Variants in FNBP1 observed in about 807,000 individuals in gnomAD.
FNBP1 encodes formin binding protein 1.
In FNBP1, 26 loss-of-function variants were observed where a neutral mutation model predicts 90.6. The ratio of observed to expected loss-of-function variants is 0.29; its 90% confidence interval spans 0.21 to 0.40. FNBP1 has a LOEUF of 0.40. Ranked by LOEUF, FNBP1 falls within the 10% of genes least tolerant of loss-of-function variation. FNBP1 has a pLI of 1.00. For missense variants in FNBP1, 635 were observed against 768.0 expected (o/e 0.83, Z 2.05); for synonymous variants, 260 against 265.2 (o/e 0.98, Z 0.19).
chr9:130,020,234 G>A (rs1386249348), intron 1 of FNBP1, among the ~76,000 whole-genome samples: 1 of 152,138 alleles, frequency 6.6e-6, no homozygotes. Context: ...TTGAGATGGA[G>A]TCTAGCTTTG....
At chr9:130,005,703 A>G (rs1206561113) in intron 1 of FNBP1, among the ~76,000 whole-genome samples, 1 of 152,246 alleles carries the variant, frequency 6.6e-6, no homozygotes, top group Non-Finnish European at 1.5e-5. Flanking sequence ...GTGATGAAAA[A>G]GGATTACCCA....
intron 16 of FNBP1, among the ~76,000 whole-genome samples, chr9:129,892,366 G>GACACACACACACACACACACAC (rs3138855): frequency 1.6e-4 from 17 of 103,478 alleles, no homozygotes; most frequent in African/African-American, 5.0e-4. Context: ...GCACATCGTA[G>GACACACACACACACACACACAC]ACACACACAC....
At chr9:129,953,830 G>A (rs1315255095) in intron 6 of FNBP1, among the ~76,000 whole-genome samples, 1 of 150,790 alleles carries the variant, frequency 6.6e-6, no homozygotes, top group African/African-American at 2.4e-5. Context: ...GGGAATGGGG[G>A]TGGTGGGGGA....
chr9:129,911,647 T>C (rs558889903), intron 11 of FNBP1, among the ~76,000 whole-genome samples: 1 of 152,226 alleles, frequency 6.6e-6, no homozygotes, highest in Non-Finnish European at 1.5e-5. Context: ...CCAGTAAATG[T>C]GGTGGCCAGG....
chr9:129,994,681 G>A (rs1042300150), intron 2 of FNBP1, among the ~76,000 whole-genome samples, 162 bp downstream of exon 2: 12 of 151,292 alleles, frequency 7.9e-5, no homozygotes, highest in African/African-American at 2.7e-4. Context: ...AATGTTCTAT[G>A]AAAATTAATT....
chr9:130,014,080 A>G, intron 1 of FNBP1: 1 of 456,576 alleles, frequency 2.2e-6, no homozygotes, highest in Non-Finnish European at 4.4e-6. Flanking sequence ...TAAACAATGT[A>G]TTTTACTGGT....
intron 6 of FNBP1, among the ~76,000 whole-genome samples, chr9:129,939,505 C>CTTCT (rs111247892): frequency 0.1 from 15,213 of 152,070 alleles, 848 homozygotes; most frequent in African/African-American, 0.16. Context: ...TTAGTTTTGT[C>CTTCT]TTCTTTTAGA....
intron 12 of FNBP1, among the ~76,000 whole-genome samples, chr9:129,906,458 C>T (rs1209208426): frequency 1.3e-5 from 2 of 152,040 alleles, no homozygotes; most frequent in African/African-American, 2.4e-5. Context: ...CGGTTTTTCC[C>T]AGGCTGCTCT....
At chr9:129,999,337 T>C (rs1262117330) in intron 1 of FNBP1, among the ~76,000 whole-genome samples, 5 of 152,142 alleles carry the variant, frequency 3.3e-5, no homozygotes, top group Non-Finnish European at 7.4e-5. Flanking sequence ...GGCTCATGCC[T>C]ATAATCCCAG....
At chr9:129,914,755 G>GTGTATATATGTA (rs71499203) in intron 11 of FNBP1, among the ~76,000 whole-genome samples, 1 of 98,434 alleles carries the variant, frequency 1.0e-5, no homozygotes, top group Non-Finnish European at 2.1e-5. Context: ...ACATACATAT[G>GTGTATATATGTA]TCTATATATA....
intron 10 of FNBP1, among the ~76,000 whole-genome samples, chr9:129,916,580 C>T (rs548766649): frequency 6.7e-6 from 1 of 150,148 alleles, no homozygotes; most frequent in Admixed American, 6.6e-5. Flanking sequence ...TCGCGCATTG[C>T]ACTCCAGCCT....
At chr9:129,923,711 G>GTTT in intron 10 of FNBP1, 133 bp downstream of exon 10, 18 of 761,502 alleles carry the variant, frequency 2.4e-5, no homozygotes, top group Non-Finnish European at 2.9e-5. Context: ...AATGGTTTTT[G>GTTT]TTTTTTTTTT....
intron 16 of FNBP1, among the ~76,000 whole-genome samples, chr9:129,892,445 A>G (rs2131162489): frequency 6.6e-6 from 1 of 151,760 alleles, no homozygotes; most frequent in East Asian, 1.9e-4. Context: ...TATAAAAATA[A>G]AACAGCTGCA....
intron 1 of FNBP1, among the ~76,000 whole-genome samples, chr9:130,002,347 C>A (rs2054987777): frequency 6.6e-6 from 1 of 152,172 alleles, no homozygotes; most frequent in Non-Finnish European, 1.5e-5. Flanking sequence ...CCTCAAACTT[C>A]ATGTTGAAAT....
In FNBP1 at chr9:129,888,965, C is replaced by G. The variant is rs556094679; in HGVS notation, c.*1574G>C. 8.8e-6 allele frequency: 2 copies of G among 228,218 alleles called. No individual in the cohort carries two copies. Among genetic ancestry groups the G allele is most frequent in the East Asian group, 1.2e-4 (2 of 16,058 alleles). 14.1% of individuals were successfully genotyped at this position (228,218 alleles called of 1,614,324 possible). A position where few individuals can be genotyped will look rare whatever the true frequency, so the allele number is the denominator to read the frequency against. ...AAGCCAAGCAAAGAATAAAGCTGCC[C>G]GACGTCATCCCCAGGCTTCCGTGGC... is the stretch of plus-strand genomic sequence containing the variant. On this transcript the variant is annotated 3_prime_UTR_variant, in exon 17 of 17. Coordinates refer to ENST00000446176, the MANE Select transcript of FNBP1 (RefSeq NM_015033.3).
chr9:130,052,048 TG>T, the FNBP1 span, among the ~76,000 whole-genome samples: 2 of 152,342 alleles, frequency 1.3e-5, no homozygotes, highest in East Asian at 1.9e-4. Flanking sequence ...CTTGAAACTA[TG>T]AAATCACATG....
At chr9:130,050,903 A>C in the FNBP1 span, among the ~76,000 whole-genome samples, 1 of 43,148 alleles carries the variant, frequency 2.3e-5, no homozygotes, top group Non-Finnish European at 6.8e-5. Flanking sequence ...CATGCTCGCT[A>C]ATTTTTTTTT....
rs940982016 is a variant in FNBP1, at chr9:129,978,347, A to C, written c.345+118T>G. On this transcript the variant is annotated intron_variant, in intron 4 of 16. Transcript: ENST00000446176. ...GTCCATAACTTTTATATGATTCTCA[A>C]AGGTATGAGTTTAAGACCCATAGTC... The C allele has an allele frequency of 3.4e-6, 3 of 870,306 alleles. No individual in the cohort carries two copies. The Admixed American group carries it at 8.6e-5, about 25-fold the overall frequency. The allele number at this position is 870,306 out of a possible 1,614,324, so 53.9% of individuals were successfully genotyped here. A position where few individuals can be genotyped will look rare whatever the true frequency, so the allele number is the denominator to read the frequency against.
At position 130,042,795 on chromosome 9, in the gene FNBP1, G is replaced by A. The variant is rs181507197; in HGVS notation, c.24+157C>T. Among the ~76,000 whole-genome samples the A allele has an allele frequency of 0.01, 1,543 of 151,774 alleles. 28 individuals are homozygous for A. Among genetic ancestry groups the A allele is most frequent in the African/African-American group, 0.036 (1,476 of 41,456 alleles). ...ACCTCCTGCTCGGGCCAAGGCGGAC[G>A]AGGGGCATTGGAACCCCGCCTCCTC... On this transcript the variant is annotated intron_variant, in intron 1 of 16. Transcript: ENST00000446176. The surrounding 1 kb of genome is among the most constrained non-coding windows in gnomAD (Gnocchi z 5.5).
Sources: allele counts gnomAD v4.1 joint callset (sites outside exome capture counted in the v4.1 genomes callset), GRCh38; gene constraint gnomAD v4.1.1; non-coding constraint Gnocchi (gnomAD v3.1); transcripts MANE v1.5; gene names NCBI Gene and HGNC (gene_info 2026-07-23, HGNC 2026-07-21).